The following PGAP1 variants were observed in gnomAD, a reference collection of about 807,000 sequenced individuals.
PGAP1 encodes the protein post-GPI attachment to proteins inositol deacylase 1, also known as GPI inositol-deacylase.
A neutral mutation model predicts 127.0 loss-of-function variants in PGAP1; 76 were observed. The ratio of observed to expected loss-of-function variants is 0.60; its 90% CI spans 0.50 to 0.72. The LOEUF is 0.72. Among genes scored for constraint, PGAP1 ranks in the 30% least tolerant of loss-of-function variants. PGAP1 has a pLI of 0.00. For missense variants in PGAP1, 982 were observed against 1,071.3 expected (o/e 0.92, Z 1.16); for synonymous variants, 362 against 366.5 (o/e 0.99, Z 0.14).
At chr2:196,855,426 C>G (rs1428063340) in intron 20 of PGAP1, among the ~76,000 whole-genome samples, 1 of 150,088 alleles carries the variant, frequency 6.7e-6, no homozygotes, top group Admixed American at 6.6e-5. Flanking sequence ...CACTCTTAAA[C>G]ACAGATTTCT....
At chr2:196,849,692 G>C (rs1173437481) in intron 20 of PGAP1, among the ~76,000 whole-genome samples, 4 of 152,140 alleles carry the variant, frequency 2.6e-5, no homozygotes, top group African/African-American at 9.7e-5. Context: ...ACTTGAAATT[G>C]TATAAAAGTA....
chr2:196,834,111 T>G lies in PGAP1; in HGVS notation c.*7123A>C, dbSNP rs1700172021. The G allele has an allele frequency of 6.6e-6, 1 of 152,042 alleles. No homozygotes were observed. Among genetic ancestry groups the G allele is most frequent in the Non-Finnish European group, 1.5e-5 (1 of 67,924 alleles). 9.4% of individuals were successfully genotyped at this position (152,042 alleles called of 1,614,324 possible). On this transcript the variant is annotated 3_prime_UTR_variant, in exon 27 of 27. Coordinates refer to ENST00000354764, the MANE Select transcript of PGAP1 (RefSeq NM_024989.4). ...ATTCATGTCTTTGACAGATTACTCA[T>G]TAATAAGACAAAAAATTACATTTGA...
At chr2:196,853,161 C>G (rs1046132059) in intron 20 of PGAP1, among the ~76,000 whole-genome samples, 4 of 152,200 alleles carry the variant, frequency 2.6e-5, no homozygotes, top group South Asian at 2.1e-4. Context: ...GTTTCTGTTT[C>G]TGCCACATTT....
rs763372485 is a variant in PGAP1 at position 196,836,814 on chromosome 2, A to C, written c.*4420T>G. ...CAGGGTGTAATTTTATAATACAAAC[A>C]TATTACTGCTTTCTTATCCTGGCAA... On this transcript the variant is annotated 3_prime_UTR_variant, in exon 27 of 27. Transcript: ENST00000354764. 4 of 152,236 alleles carry C rather than the reference A, an allele frequency of 2.6e-5. No individual in the cohort carries two copies. Among genetic ancestry groups the C allele is most frequent in the Non-Finnish European group, 4.4e-5 (3 of 68,040 alleles). 9.4% of individuals were successfully genotyped at this position (152,236 alleles called of 1,614,324 possible). A position where few individuals can be genotyped will look rare whatever the true frequency, so the allele number is the denominator to read the frequency against.
rs1248053308 is a variant in PGAP1, at chr2:196,902,718, T to C, written c.674A>G (p.Tyr225Cys). 1.2e-6 allele frequency: 2 copies of C among 1,610,696 alleles called. No individual in the cohort carries two copies. The highest frequency in any genetic ancestry group is 8.5e-7 in the Non-Finnish European group (1 of 1,177,916). ...ITDFYTTVNN[Y>C]WILNARHINL... ...TATGTGTCGAGCATTTAGAATCCAA[T>C]AGTTGTTTACAGTCGTATAAAAATC... Residue 225 changes from tyrosine (Y) to cysteine (C), a missense_variant, in exon 5 of 27, where the codon TAT (tyrosine) becomes TGT (cysteine). Tyr to Cys is a radical substitution (Grantham distance 194). Transcript: ENST00000354764.
rs1162811688 is a variant in PGAP1 at position 196,872,446 on chromosome 2, A to G, written c.1723T>C (p.Tyr575His). ...FKMYTSSDCR[Y>H]EVTVKTSFSQ... ...TAATCAAACATACAACTTACCTCGT[A>G]CCGACAGTCTGATGACGTGTACATT... Residue 575 changes from tyrosine (Y) to histidine (H), a missense_variant, in exon 18 of 27, where the codon TAC (tyrosine) becomes CAC (histidine). Physicochemically the swap from Tyr to His is moderately conservative, Grantham distance 83 (BLOSUM62 2). Coordinates refer to ENST00000354764, the MANE Select transcript of PGAP1 (RefSeq NM_024989.4). 2.5e-6 allele frequency: 4 copies of G among 1,595,172 alleles called. No homozygotes were observed. Among genetic ancestry groups the G allele is most frequent in the African/African-American group, 1.3e-5 (1 of 74,644 alleles).
chr2:196,870,571 C>T (rs900303738), intron 19 of PGAP1, among the ~76,000 whole-genome samples: 1 of 152,160 alleles, frequency 6.6e-6, no homozygotes, highest in African/African-American at 2.4e-5. Flanking sequence ...GCTGGGATTA[C>T]AGATGGGGGC....
intron 9 of PGAP1, 112 bp from the exon 10 acceptor site, chr2:196,891,023 G>C (rs947832400): frequency 6.6e-6 from 4 of 602,784 alleles, no homozygotes; most frequent in Non-Finnish European, 1.2e-5. Flanking sequence ...CATTCTTCTT[G>C]TTGTTGAGAA....
intron 12 of PGAP1, among the ~76,000 whole-genome samples, chr2:196,883,275 T>C (rs1033874172): frequency 7.2e-5 from 11 of 152,188 alleles, no homozygotes; most frequent in Non-Finnish European, 1.5e-4. Context: ...CCCAATCTTC[T>C]TGAGAAGCAC....
intron 5 of PGAP1, 134 bp downstream of exon 5, chr2:196,902,437 TCTCTCTCTTACACA>T: frequency 3.7e-6 from 2 of 538,022 alleles, no homozygotes; most frequent in Non-Finnish European, 6.3e-6. Flanking sequence ...TCTCTTTCCC[TCTCTCTCTTACACA>T]CATGCATGCC....
intron 13 of PGAP1, among the ~76,000 whole-genome samples, chr2:196,878,189 C>T (rs114549528): frequency 0.01 from 1,539 of 152,210 alleles, 23 homozygotes; most frequent in African/African-American, 0.035. Context: ...ATGCATGGAA[C>T]TAGAAGTGTT....
rs961962056 is a variant in PGAP1 at position 196,837,473 on chromosome 2, TAA to T, written c.*3759_*3760del. On this transcript the variant is annotated 3_prime_UTR_variant, in exon 27 of 27. Transcript: ENST00000354764. ...TGAAACCTCGTCTCTACAAAAAAAT[TAA>T]AAAGTCAGGCACAGTGGCATGTACC... The T allele has an allele frequency of 1.3e-5, 2 of 151,882 alleles. No homozygotes were observed. Among genetic ancestry groups the T allele is most frequent in the East Asian group, 1.9e-4 (1 of 5,168 alleles). 9.4% of individuals were successfully genotyped at this position (151,882 alleles called of 1,614,324 possible). A position where few individuals can be genotyped will look rare whatever the true frequency, so the allele number is the denominator to read the frequency against.
intron 19 of PGAP1, among the ~76,000 whole-genome samples, chr2:196,868,493 A>G (rs916278393): frequency 6.6e-6 from 1 of 152,198 alleles, no homozygotes. Flanking sequence ...TTAGTGCAGT[A>G]TTTCTTTAAA....
chr2:196,858,454 T>A (rs1430388591), intron 20 of PGAP1, among the ~76,000 whole-genome samples: 4 of 152,086 alleles, frequency 2.6e-5, no homozygotes, highest in Admixed American at 6.5e-5. Context: ...AGAATATTTT[T>A]AAAAATTAAA....
rs1239686301 is a variant in PGAP1, at chr2:196,844,557, G to A, written c.2304C>T (p.Ala768=). The change falls in exon 24 of 27, where the codon GCC becomes GCT. Residue 768 remains alanine, a synonymous_variant. Transcript: ENST00000354764. Reference sequence around the variant, plus strand: ...GGCTATTCTTAAAAGTTGTTAAGCTGGCTTGCAGATGAACAACCTAAGAAA... The same window carrying A: ...GGCTATTCTTAAAAGTTGTTAAGCTAGCTTGCAGATGAACAACCTAAGAAA... ...YYVFKVVHLQ[A]SLTTFKNSQP... is the part of the protein sequence containing the mutation. 6.3e-7 allele frequency: 1 copy of A among 1,596,676 alleles called. No individual in the cohort carries two copies. Among genetic ancestry groups the A allele is most frequent in the Admixed American group, 1.7e-5 (1 of 57,218 alleles).
chr2:196,864,895 G>A, intron 20 of PGAP1, 92 bp downstream of exon 20: 1 of 569,062 alleles, frequency 1.8e-6, no homozygotes. Context: ...CAATATAACA[G>A]AATTATATAT....
At chr2:196,905,105 G>A (rs1163358586) in intron 4 of PGAP1, among the ~76,000 whole-genome samples, 5 of 152,164 alleles carry the variant, frequency 3.3e-5, no homozygotes, top group Admixed American at 6.5e-5. Context: ...CTTTCAGCCT[G>A]AGCCTTATAG....
At chr2:196,896,828 T>TAAAAAAAAAAAAA (rs566717804) in intron 7 of PGAP1, among the ~76,000 whole-genome samples, 1 of 90,622 alleles carries the variant, frequency 1.1e-5, no homozygotes, top group Non-Finnish European at 2.1e-5. Context: ...GACTCCATCT[T>TAAAAAAAAAAAAA]AAAAAAAAAA....
chr2:196,883,707 C>T (rs987135379), intron 12 of PGAP1, among the ~76,000 whole-genome samples: 8 of 152,244 alleles, frequency 5.3e-5, no homozygotes, highest in South Asian at 2.1e-4. Context: ...TCTCATCTGA[C>T]ATTACTTTTA....
Sources: gnomAD v4.1 joint callset for allele counts (sites outside exome capture counted in the v4.1 genomes callset) on GRCh38, gnomAD v4.1.1 for gene constraint, MANE v1.5 for transcripts, NCBI Gene and HGNC (gene_info 2026-07-23, HGNC 2026-07-21) for gene names.